The following GALNT10 variants were observed in gnomAD, a reference collection of about 807,000 sequenced individuals.
GALNT10 encodes the protein polypeptide N-acetylgalactosaminyltransferase 10.
Under a neutral mutation model 75.0 loss-of-function variants are expected in GALNT10, and 41 were observed. The observed-to-expected ratio is 0.55, with a 90% CI of 0.43 to 0.71. The LOEUF is 0.71. GALNT10 is among the 30% of genes least tolerant of loss of function. The pLI is 0.00. For synonymous variants in GALNT10, 302 were observed against 313.0 expected (o/e 0.96, Z 0.37); for missense variants, 727 against 818.5 (o/e 0.89, Z 1.36).
chr5:154,294,869 G>A lies in GALNT10; in HGVS notation c.213G>A (p.Leu71=). The stretch of plus-strand genomic sequence containing the variant: ...TTTTCTTGGGAGATGGGCAGAAGCT[G>A]AAGGACTGGCATGACAAGGAGGCCA... ...KTFFLGDGQK[L]KDWHDKEAIR... is the part of the protein sequence containing the mutation. The change falls in exon 2 of 12, where the codon CTG becomes CTA. Residue 71 remains leucine, a synonymous_variant. Coordinates refer to ENST00000297107, the MANE Select transcript of GALNT10 (RefSeq NM_198321.4). 1 of 1,608,764 alleles carries A rather than the reference G, an allele frequency of 6.2e-7. No homozygotes were observed. The highest frequency in any genetic ancestry group is 2.2e-5 in the East Asian group (1 of 44,850).
At chr5:154,204,787 C>T (rs1406798057) in intron 1 of GALNT10, among the ~76,000 whole-genome samples, 1 of 152,236 alleles carries the variant, frequency 6.6e-6, no homozygotes, top group Non-Finnish European at 1.5e-5. Flanking sequence ...GCGACTTGAT[C>T]AACTGTGAAA....
At chr5:154,197,227 G>A (rs893683573) in intron 1 of GALNT10, among the ~76,000 whole-genome samples, 3 of 152,092 alleles carry the variant, frequency 2.0e-5, no homozygotes, top group Non-Finnish European at 4.4e-5. Flanking sequence ...CCGTTCTGCC[G>A]CTGCCTTCCT....
At chr5:154,221,416 G>T (rs1426018610) in intron 1 of GALNT10, among the ~76,000 whole-genome samples, 2 of 152,170 alleles carry the variant, frequency 1.3e-5, no homozygotes, top group African/African-American at 4.8e-5. Flanking sequence ...CCGGGGGTTA[G>T]GGTGCCCCTG....
intron 2 of GALNT10, among the ~76,000 whole-genome samples, chr5:154,295,868 G>T (rs531067521): frequency 6.6e-6 from 1 of 152,286 alleles, no homozygotes; most frequent in African/African-American, 2.4e-5. Context: ...AGAAAGCACT[G>T]TAGAAATCTA....
intron 3 of GALNT10, among the ~76,000 whole-genome samples, chr5:154,328,412 G>T (rs116738269): frequency 1.2e-3 from 181 of 152,302 alleles, no homozygotes; most frequent in African/African-American, 3.8e-3. Context: ...CAAACTCATG[G>T]ATAAATCATT....
intron 4 of GALNT10, among the ~76,000 whole-genome samples, chr5:154,332,867 G>A (rs763561898): frequency 1.3e-5 from 2 of 152,194 alleles, no homozygotes; most frequent in Non-Finnish European, 2.9e-5. Context: ...GGTTGGGCTT[G>A]TAGCACTCAG....
intron 1 of GALNT10, among the ~76,000 whole-genome samples, chr5:154,239,031 C>T (rs1161164879): frequency 3.9e-5 from 6 of 152,120 alleles, no homozygotes; most frequent in African/African-American, 1.4e-4. Flanking sequence ...GAATTCTTAG[C>T]CATATAGCTC....
At chr5:154,386,564 G>T in intron 7 of GALNT10, 134 bp downstream of exon 7, 1 of 423,592 alleles carries the variant, frequency 2.4e-6, no homozygotes, top group Non-Finnish European at 4.7e-6. Flanking sequence ...CCCATCAGGT[G>T]AAGAAGACAG....
chr5:154,258,902 C>CT (rs917269143), intron 1 of GALNT10, among the ~76,000 whole-genome samples: 1 of 151,724 alleles, frequency 6.6e-6, no homozygotes, highest in East Asian at 1.9e-4. Context: ...GTTACAGAAA[C>CT]TTTTTTAAAA....
chr5:154,326,346 T>C (rs966572663), intron 3 of GALNT10, among the ~76,000 whole-genome samples: 12 of 152,196 alleles, frequency 7.9e-5, no homozygotes, highest in Non-Finnish European at 1.5e-4. Flanking sequence ...TTGACAGGTC[T>C]TTACAAAGTT....
chr5:154,311,004 A>T (rs546987892), intron 3 of GALNT10, among the ~76,000 whole-genome samples: 2 of 152,360 alleles, frequency 1.3e-5, no homozygotes, highest in Admixed American at 1.3e-4. Flanking sequence ...CCTGAAGTTG[A>T]AATTGTGAAG....
intron 4 of GALNT10, 61 bp downstream of exon 4, chr5:154,329,799 G>A (rs1171985698): frequency 1.6e-6 from 2 of 1,258,312 alleles, no homozygotes; most frequent in South Asian, 1.3e-5. Flanking sequence ...TCACCAAAGG[G>A]ATGGCAGGTT....
At chr5:154,248,872 C>G (rs980802691) in intron 1 of GALNT10, among the ~76,000 whole-genome samples, 10 of 152,132 alleles carry the variant, frequency 6.6e-5, no homozygotes, top group African/African-American at 2.4e-4. Context: ...GGAGTCAGAG[C>G]GGGAGAGGTT....
At chr5:154,390,720 G>A (rs1465550708) in intron 7 of GALNT10, among the ~76,000 whole-genome samples, 1 of 152,124 alleles carries the variant, frequency 6.6e-6, no homozygotes, top group Non-Finnish European at 1.5e-5. Context: ...CCCCCACCAT[G>A]GAGAACAGTG....
chr5:154,329,343 G>A, intron 3 of GALNT10: 1 of 509,110 alleles, frequency 2.0e-6, no homozygotes. Flanking sequence ...TTCAAACTCA[G>A]GGAGGTCTTT....
Position 154,200,413 on chromosome 5 carries a change from C to T in GALNT10, c.159+9388C>T, listed in dbSNP as rs1581915466. On this transcript the variant is annotated intron_variant, in intron 1 of 11. Transcript: ENST00000297107. ...GGGGCTCCTGGAGGGAAGGGGGTTTCTTCGAGGGAACAGGTTGGAAACATC... is the reference window on the plus strand; with the variant it reads ...GGGGCTCCTGGAGGGAAGGGGGTTTTTTCGAGGGAACAGGTTGGAAACATC... Among the ~76,000 whole-genome samples the T allele has an allele frequency of 2.6e-5, 4 of 152,232 alleles. No homozygotes were observed. In the Middle Eastern group the frequency reaches 0.01, roughly 388 times the overall value.
At chr5:154,289,926 C>T (rs1222428908) in intron 1 of GALNT10, among the ~76,000 whole-genome samples, 1 of 152,164 alleles carries the variant, frequency 6.6e-6, no homozygotes, top group Non-Finnish European at 1.5e-5. Flanking sequence ...TGTCAGTAAA[C>T]ATTTGGTGAT....
chr5:154,390,747 C>T (rs560875765), intron 7 of GALNT10, among the ~76,000 whole-genome samples: 12 of 152,308 alleles, frequency 7.9e-5, no homozygotes, highest in African/African-American at 2.9e-4. Context: ...GAAAGATTTG[C>T]ACAAAGGAAT....
intron 1 of GALNT10, among the ~76,000 whole-genome samples, chr5:154,240,776 A>G (rs939269001): frequency 6.6e-6 from 1 of 152,222 alleles, no homozygotes; most frequent in South Asian, 2.1e-4. Context: ...CCAGGTACAC[A>G]AAACCAATGA....
Sources: gnomAD v4.1 joint callset for allele counts (sites outside exome capture counted in the v4.1 genomes callset) on GRCh38, gnomAD v4.1.1 for gene constraint, MANE v1.5 for transcripts, NCBI Gene and HGNC (gene_info 2026-07-23, HGNC 2026-07-21) for gene names.